Variants in PLXNA4 observed in about 807,000 individuals in gnomAD.
The protein encoded by PLXNA4 is plexin A4, also known as plexin-A4.
A neutral mutation model predicts 191.8 loss-of-function variants in PLXNA4; 44 were observed. That is an observed-to-expected ratio of 0.23 (90% CI 0.18 to 0.29). The LOEUF (loss-of-function observed/expected upper bound fraction) is 0.29. Among genes scored for constraint, PLXNA4 ranks in the 10% least tolerant of loss-of-function variants. The pLI, the probability that PLXNA4 is intolerant of heterozygous loss-of-function variation, is 1.00. For missense variants in PLXNA4, 1,800 were observed against 2,488.8 expected, an observed-to-expected ratio of 0.72 and a Z score of 5.89; for synonymous variants, 1,082 against 1,009.5, an observed-to-expected ratio of 1.07 and a Z score of -1.36.
intron 3 of PLXNA4, among the ~76,000 whole-genome samples, chr7:132,393,976 C>T (rs1182104790): frequency 6.6e-6 from 1 of 151,756 alleles, no homozygotes; most frequent in Non-Finnish European, 1.5e-5. Flanking sequence ...TAATTTGCAC[C>T]CCACCCTCTT....
intron 4 of PLXNA4, among the ~76,000 whole-genome samples, chr7:132,270,385 C>T (rs192296080): frequency 1.2e-4 from 18 of 152,276 alleles, no homozygotes; most frequent in Admixed American, 3.3e-4. Flanking sequence ...CAATATATCC[C>T]CTGAGGGCTA....
intron 3 of PLXNA4, among the ~76,000 whole-genome samples, chr7:132,311,201 T>TGTGTGTGTGTGTGC (rs1327681030): frequency 7.5e-6 from 1 of 133,424 alleles, no homozygotes; most frequent in African/African-American, 2.7e-5. Flanking sequence ...TGTGCGCGTG[T>TGTGTGTGTGTGTGC]GGCCTAAAGG....
In PLXNA4 at chr7:132,130,515, T is replaced by G. The variant is rs756821201; in HGVS notation, c.5649A>C (p.Leu1883=). 1.6e-4 allele frequency: 256 copies of G among 1,614,084 alleles called. No homozygotes were observed. Among genetic ancestry groups the G allele is most frequent in the Non-Finnish European group, 2.1e-4 (246 of 1,180,040 alleles). The change falls in exon 32 of 32, where the codon CTA becomes CTC. Residue 1883 remains leucine, a synonymous_variant. Coordinates refer to ENST00000321063, the MANE Select transcript of PLXNA4 (RefSeq NM_020911.2). ...QCGKQKLAYK[L]EQVITLMSLD... is the part of the protein sequence containing the mutation. ...AGCTCATGAGGGTTATGACTTGTTCTAGTTTGTAGGCCAGTTTCTGCTTCC... is the reference window on the plus strand; with the variant it reads ...AGCTCATGAGGGTTATGACTTGTTCGAGTTTGTAGGCCAGTTTCTGCTTCC...
intron 3 of PLXNA4, among the ~76,000 whole-genome samples, chr7:132,482,844 C>T (rs565323434): frequency 6.6e-6 from 1 of 152,126 alleles, no homozygotes; most frequent in East Asian, 1.9e-4. Context: ...AGGTGTGCAC[C>T]ATCATGCCCG....
At chr7:132,263,282 A>G (rs986666284) in intron 4 of PLXNA4, among the ~76,000 whole-genome samples, 18 of 152,150 alleles carry the variant, frequency 1.2e-4, no homozygotes, top group African/African-American at 3.9e-4. Context: ...TGGCCATGCC[A>G]AATGTGTTCT....
chr7:132,323,399 G>A lies in PLXNA4; in HGVS notation c.1372-25177C>T, dbSNP rs565855289. 4.6e-5 allele frequency among the ~76,000 whole-genome samples: 7 copies of A among 152,278 alleles called. No individual in the cohort carries two copies. The South Asian group carries it at 6.2e-4, about 14-fold the overall frequency. On this transcript the variant is annotated intron_variant, in intron 3 of 31. Transcript: ENST00000321063. ...CTTGCATCATCTCATCTAATCCTTC[G>A]AGTGATCTGAGGAGTTAGGCATTAT...
At chr7:132,139,482 A>G (rs563560891) in intron 30 of PLXNA4, among the ~76,000 whole-genome samples, 1 of 152,294 alleles carries the variant, frequency 6.6e-6, no homozygotes, top group African/African-American at 2.4e-5. Context: ...AGCTACTTAG[A>G]ATAAAGAGAA....
intron 3 of PLXNA4, among the ~76,000 whole-genome samples, chr7:132,378,786 T>C (rs1455972943): frequency 1.3e-5 from 2 of 152,092 alleles, no homozygotes; most frequent in Non-Finnish European, 2.9e-5. Context: ...GTTCTGCTAG[T>C]TGAGATTTAG....
chr7:132,335,457 T>C (rs1299344681), intron 3 of PLXNA4, among the ~76,000 whole-genome samples: 1 of 152,148 alleles, frequency 6.6e-6, no homozygotes, highest in Non-Finnish European at 1.5e-5. Flanking sequence ...ATCACTAGAG[T>C]TCATTCTCCT....
chr7:132,175,516 C>T (rs1449402539), intron 20 of PLXNA4, among the ~76,000 whole-genome samples: 2 of 152,192 alleles, frequency 1.3e-5, no homozygotes, highest in Non-Finnish European at 2.9e-5. Flanking sequence ...CAAGGTATTT[C>T]TTTGTCCTTC....
At chr7:132,523,168 T>G (rs1799257905) in intron 1 of PLXNA4, among the ~76,000 whole-genome samples, 1 of 151,524 alleles carries the variant, frequency 6.6e-6, no homozygotes, top group Admixed American at 6.6e-5. Context: ...TCTCACAGAG[T>G]TTACATTTAA....
chr7:132,461,046 C>T (rs943715070), intron 3 of PLXNA4, among the ~76,000 whole-genome samples: 6 of 152,136 alleles, frequency 3.9e-5, no homozygotes, highest in African/African-American at 1.2e-4. Context: ...TGGGAAATGT[C>T]GTTTTTCAGT....
intron 2 of PLXNA4, among the ~76,000 whole-genome samples, chr7:132,623,559 C>T (rs150085997): frequency 6.6e-5 from 10 of 152,238 alleles, no homozygotes; most frequent in African/African-American, 2.2e-4. Context: ...CTATCCAGCT[C>T]CTTCCACCAT....
intron 3 of PLXNA4, among the ~76,000 whole-genome samples, chr7:132,318,998 T>C (rs1802059965): frequency 6.6e-6 from 1 of 152,054 alleles, no homozygotes; most frequent in Non-Finnish European, 1.5e-5. Flanking sequence ...TCAGGACTGG[T>C]CCAACCGTGG....
At chr7:132,469,772 C>T (rs1209710090) in intron 3 of PLXNA4, among the ~76,000 whole-genome samples, 1 of 152,174 alleles carries the variant, frequency 6.6e-6, no homozygotes, top group Non-Finnish European at 1.5e-5. Context: ...TCACATACTG[C>T]CTAAAATCAC....
intron 3 of PLXNA4, among the ~76,000 whole-genome samples, chr7:132,332,903 A>C (rs867183820): frequency 1.3e-5 from 2 of 151,910 alleles, no homozygotes; most frequent in African/African-American, 4.8e-5. Flanking sequence ...CCATGTTTAT[A>C]GACAACAGAA....
chr7:132,169,342 C>G (rs115880608), intron 21 of PLXNA4, among the ~76,000 whole-genome samples: 2 of 152,198 alleles, frequency 1.3e-5, no homozygotes, highest in African/African-American at 4.8e-5. Context: ...TCAGCAAACA[C>G]GAGTCAATGA....
intron 3 of PLXNA4, among the ~76,000 whole-genome samples, chr7:132,430,033 C>T (rs927829540): frequency 1.3e-5 from 2 of 152,302 alleles, no homozygotes; most frequent in South Asian, 2.1e-4. Context: ...ATCTGCCCCT[C>T]TCTATGCAGA....
chr7:132,180,957 G>A (rs1796683396), intron 18 of PLXNA4, among the ~76,000 whole-genome samples: 1 of 152,238 alleles, frequency 6.6e-6, no homozygotes, highest in Admixed American at 6.5e-5. Context: ...TATCCCAAAT[G>A]CAGCCTCAGA....
Sources: allele counts gnomAD v4.1 joint callset (sites outside exome capture counted in the v4.1 genomes callset), GRCh38; gene constraint gnomAD v4.1.1; transcripts MANE v1.5; gene names NCBI Gene and HGNC (gene_info 2026-07-23, HGNC 2026-07-21).